The following RBMS3 variants were observed in gnomAD, a reference collection of about 807,000 sequenced individuals.
RBMS3 encodes the protein RNA binding motif single stranded interacting protein 3, also known as RNA-binding motif, single-stranded-interacting protein 3.
A neutral mutation model predicts 66.8 loss-of-function variants in RBMS3; 27 were observed. The ratio of observed to expected loss-of-function variants is 0.40; its 90% CI spans 0.30 to 0.56. The LOEUF (loss-of-function observed/expected upper bound fraction) is 0.56. RBMS3 is among the 20% of genes least tolerant of loss of function. The pLI, the probability that RBMS3 is intolerant of heterozygous loss-of-function variation, is 0.40. For missense variants in RBMS3, 513 were observed against 549.5 expected (o/e 0.93, Z 0.66); for synonymous variants, 188 against 183.0 (o/e 1.03, Z -0.22).
chr3:29,627,000 C>A (rs576334914), intron 4 of RBMS3, among the ~76,000 whole-genome samples: 1 of 152,106 alleles, frequency 6.6e-6, no homozygotes, highest in African/African-American at 2.4e-5. Flanking sequence ...GGGTTGCTAC[C>A]CTCGTTCTGT....
chr3:29,945,088 T>A (rs1372778807), intron 12 of RBMS3, among the ~76,000 whole-genome samples: 1 of 151,754 alleles, frequency 6.6e-6, no homozygotes, highest in Non-Finnish European at 1.5e-5. Flanking sequence ...AATAAAATAC[T>A]GGCAATCTGA....
intron 1 of RBMS3, among the ~76,000 whole-genome samples, chr3:29,347,517 A>AT: frequency 6.6e-6 from 1 of 152,210 alleles, no homozygotes; most frequent in Non-Finnish European, 1.5e-5. Context: ...TGAAGTTATT[A>AT]TCTATGGGTG....
At chr3:29,299,510 C>A (rs1670523980) in intron 1 of RBMS3, among the ~76,000 whole-genome samples, 1 of 151,620 alleles carries the variant, frequency 6.6e-6, no homozygotes, top group Admixed American at 6.6e-5. Context: ...ATTGGCCCTC[C>A]ACATCTGTGG....
At chr3:29,955,659 A>G (rs149236833) in intron 12 of RBMS3, among the ~76,000 whole-genome samples, 100 of 152,154 alleles carry the variant, frequency 6.6e-4, no homozygotes, top group African/African-American at 2.3e-3. Flanking sequence ...TAGACCTTGG[A>G]AACTTGCTTT....
chr3:29,288,471 T>C (rs528711869), intron 1 of RBMS3, among the ~76,000 whole-genome samples: 58 of 152,110 alleles, frequency 3.8e-4, no homozygotes, highest in Middle Eastern at 3.4e-3. Flanking sequence ...ATCATGACCT[T>C]TTCCAGCTTT....
intron 6 of RBMS3, among the ~76,000 whole-genome samples, chr3:29,821,604 G>A (rs1576909711): frequency 6.6e-6 from 1 of 152,120 alleles, no homozygotes; most frequent in African/African-American, 2.4e-5. Context: ...TACCTGTGAG[G>A]AACTACAACA....
intron 1 of RBMS3, among the ~76,000 whole-genome samples, chr3:29,392,415 G>A (rs2039342701): frequency 6.6e-6 from 1 of 152,142 alleles, no homozygotes; most frequent in Non-Finnish European, 1.5e-5. Flanking sequence ...TATCACTCAT[G>A]AGAGTAGACT....
chr3:29,859,609 T>C (rs1188876853), intron 6 of RBMS3, among the ~76,000 whole-genome samples: 1 of 152,208 alleles, frequency 6.6e-6, no homozygotes, highest in African/African-American at 2.4e-5. Flanking sequence ...CCATTCAGCA[T>C]GGGATTTTAT....
chr3:29,620,824 TC>T (rs2048841034), intron 4 of RBMS3, among the ~76,000 whole-genome samples: 1 of 152,156 alleles, frequency 6.6e-6, no homozygotes, highest in South Asian at 2.1e-4. Flanking sequence ...ACTAGTTTAG[TC>T]TTTTTAAAAA....
intron 1 of RBMS3, among the ~76,000 whole-genome samples, chr3:29,339,318 G>T (rs2036143450): frequency 6.6e-6 from 1 of 152,168 alleles, no homozygotes; most frequent in African/African-American, 2.4e-5. Flanking sequence ...GGGGGCGGGA[G>T]CATTAAAGTG....
intron 4 of RBMS3, among the ~76,000 whole-genome samples, chr3:29,639,593 C>CAGACAGAGAGAGAGAGAGAGAGAG (rs2049613655): frequency 7.0e-6 from 1 of 143,074 alleles, no homozygotes; most frequent in Admixed American, 7.0e-5. Flanking sequence ...AGAAGATAGA[C>CAGACAGAGAGAGAGAGAGAGAGAG]AGAGAGAGAG....
chr3:29,827,458 T>A (rs2149483176), intron 6 of RBMS3, among the ~76,000 whole-genome samples: 1 of 152,318 alleles, frequency 6.6e-6, no homozygotes, highest in East Asian at 1.9e-4. Context: ...AGAAATATCC[T>A]GGCATTATAA....
chr3:29,720,855 C>G (rs550673573), intron 4 of RBMS3, among the ~76,000 whole-genome samples: 2 of 152,162 alleles, frequency 1.3e-5, no homozygotes, highest in South Asian at 4.1e-4. Context: ...AAGAGGCCTG[C>G]TGTCATTGTC....
intron 4 of RBMS3, among the ~76,000 whole-genome samples, chr3:29,714,993 T>TAATAGAC (rs145052482): frequency 0.043 from 6,476 of 152,200 alleles, 164 homozygotes; most frequent in Admixed American, 0.074. Context: ...CCCTCATAGA[T>TAATAGAC]AATAGTTTTA....
intron 12 of RBMS3, among the ~76,000 whole-genome samples, chr3:29,970,079 C>T (rs978718708): frequency 6.6e-6 from 1 of 152,122 alleles, no homozygotes; most frequent in Non-Finnish European, 1.5e-5. Flanking sequence ...CACTTTAAAA[C>T]TTACAGCAGT....
At chr3:29,962,454 G>C (rs1379000437) in intron 12 of RBMS3, among the ~76,000 whole-genome samples, 3 of 151,650 alleles carry the variant, frequency 2.0e-5, no homozygotes, top group African/African-American at 7.3e-5. Flanking sequence ...ACGGCACTGA[G>C]GTGGGGTGTA....
At chr3:29,495,668 T>C (rs1356061837) in intron 3 of RBMS3, among the ~76,000 whole-genome samples, 1 of 152,092 alleles carries the variant, frequency 6.6e-6, no homozygotes, top group Admixed American at 6.6e-5. Context: ...TCCACTTGCC[T>C]CGGCCTCCCA....
chr3:29,734,864 T>A (rs1261938810), intron 4 of RBMS3, among the ~76,000 whole-genome samples: 2 of 152,136 alleles, frequency 1.3e-5, no homozygotes. Context: ...TATTAATTTA[T>A]TTTTCTTATA....
intron 10 of RBMS3, among the ~76,000 whole-genome samples, chr3:29,914,580 CT>C (rs1251167530): frequency 6.6e-6 from 1 of 151,844 alleles, no homozygotes; most frequent in East Asian, 1.9e-4. Context: ...GCATATGCCC[CT>C]TACAAGCAAG....
Sources: allele counts gnomAD v4.1 joint callset (sites outside exome capture counted in the v4.1 genomes callset), GRCh38; gene constraint gnomAD v4.1.1; transcripts MANE v1.5; gene names NCBI Gene and HGNC (gene_info 2026-07-23, HGNC 2026-07-21).